Variants in NELL2 observed in about 807,000 individuals in gnomAD.
NELL2 encodes the protein neural EGFL like 2, also known as protein kinase C-binding protein NELL2.
Under a neutral mutation model 109.6 loss-of-function variants are expected in NELL2, and 41 were observed. The observed-to-expected ratio is 0.37, with a 90% CI of 0.29 to 0.49. The LOEUF (loss-of-function observed/expected upper bound fraction) is 0.49, where lower values mean the gene tolerates loss of function less well. NELL2 is among the 20% of genes least tolerant of loss of function. The pLI is 0.98. For missense variants in NELL2, 900 were observed against 1,008.3 expected, an observed-to-expected ratio of 0.89 and a Z score of 1.45; for synonymous variants, 355 against 344.7, an observed-to-expected ratio of 1.03 and a Z score of -0.33.
At chr12:44,731,492 T>A (rs1939368385) in intron 9 of NELL2, among the ~76,000 whole-genome samples, 1 of 152,000 alleles carries the variant, frequency 6.6e-6, no homozygotes, top group Non-Finnish European at 1.5e-5. Flanking sequence ...AAGTATAACA[T>A]CACATAATCA....
chr12:44,876,492 G>A, upstream of NELL2: 1 of 1,350,156 alleles, frequency 7.4e-7, no homozygotes, highest in Non-Finnish European at 9.6e-7. Context: ...AGGAGCCGTT[G>A]CAGCCTCAGC....
chr12:44,688,930 A>C (rs1948816617), intron 12 of NELL2, among the ~76,000 whole-genome samples: 1 of 152,246 alleles, frequency 6.6e-6, no homozygotes, highest in African/African-American at 2.4e-5. Context: ...GTGGCTAGTA[A>C]ATGTTTCCAT....
chr12:44,608,694 T>A (rs7966744), intron 14 of NELL2, among the ~76,000 whole-genome samples: 80,306 of 150,772 alleles, frequency 0.53, 23,952 homozygotes, highest in African/African-American at 0.83. Context: ...TAGGAATTTG[T>A]ATCAAGCAGA....
chr12:44,703,493 A>T, intron 12 of NELL2, among the ~76,000 whole-genome samples: 1 of 152,224 alleles, frequency 6.6e-6, no homozygotes, highest in East Asian at 1.9e-4. Flanking sequence ...ACAGTGGAAG[A>T]ATTGTTCTAA....
intron 15 of NELL2, among the ~76,000 whole-genome samples, chr12:44,605,508 G>A (rs1224309510): frequency 6.6e-6 from 1 of 152,134 alleles, no homozygotes; most frequent in Non-Finnish European, 1.5e-5. Context: ...TAATGAAATA[G>A]AGATAGCTAC....
chr12:44,732,701 C>A, intron 9 of NELL2, among the ~76,000 whole-genome samples: 1 of 151,806 alleles, frequency 6.6e-6, no homozygotes, highest in Non-Finnish European at 1.5e-5. Context: ...AATAGAGAAA[C>A]GGGACTACAA....
At chr12:44,819,118 A>G (rs2136692716) in intron 2 of NELL2, among the ~76,000 whole-genome samples, 1 of 152,320 alleles carries the variant, frequency 6.6e-6, no homozygotes, top group African/African-American at 2.4e-5. Flanking sequence ...TAAAAGAATG[A>G]AGAAACTAAA....
rs1396985229 is a variant in NELL2 at position 44,562,807 on chromosome 12, C to G, written c.1664-30086G>C. Among the ~76,000 whole-genome samples the G allele has an allele frequency of 2.6e-5, 4 of 152,306 alleles. No homozygotes were observed. In the East Asian group the frequency reaches 7.7e-4, roughly 29 times the overall value. On this transcript the variant is annotated intron_variant, in intron 15 of 19. Coordinates refer to ENST00000429094, the MANE Select transcript of NELL2 (RefSeq NM_001145108.2). ...AGAAATACCATTTGACCCAGCAATCCCATTACTGGGCATATACCCAAAGGA... is the reference window on the plus strand; with the variant it reads ...AGAAATACCATTTGACCCAGCAATCGCATTACTGGGCATATACCCAAAGGA...
intron 12 of NELL2, among the ~76,000 whole-genome samples, chr12:44,669,244 T>A (rs1948055177): frequency 6.6e-6 from 1 of 152,138 alleles, no homozygotes; most frequent in African/African-American, 2.4e-5. Flanking sequence ...TAGAAAAAAG[T>A]CTTTCCCTAC....
chr12:44,622,117 G>C (rs1946082264), intron 13 of NELL2, among the ~76,000 whole-genome samples: 4 of 152,062 alleles, frequency 2.6e-5, no homozygotes, highest in Admixed American at 2.6e-4. Flanking sequence ...TGATGGTTAG[G>C]CTCCAACAGA....
At chr12:44,705,459 T>C (rs1937820966) in intron 11 of NELL2, among the ~76,000 whole-genome samples, 2 of 152,202 alleles carry the variant, frequency 1.3e-5, no homozygotes, top group African/African-American at 4.8e-5. Context: ...ATCTAAACTG[T>C]CATGATTAAG....
intron 15 of NELL2, among the ~76,000 whole-genome samples, chr12:44,568,198 C>T (rs866071729): frequency 6.6e-6 from 1 of 152,014 alleles, no homozygotes; most frequent in Non-Finnish European, 1.5e-5. Context: ...TGGCAGGAAA[C>T]GTAGCTAAGT....
At chr12:44,799,339 A>G (rs1040648901) in intron 3 of NELL2, among the ~76,000 whole-genome samples, 1 of 152,092 alleles carries the variant, frequency 6.6e-6, no homozygotes, top group Non-Finnish European at 1.5e-5. Flanking sequence ...AACTCAAGGC[A>G]TCAGTTTGGA....
At chr12:44,731,495 CATAATCATTTTAAT>C (rs1468807575) in intron 9 of NELL2, among the ~76,000 whole-genome samples, 13 of 152,050 alleles carry the variant, frequency 8.5e-5, no homozygotes, top group African/African-American at 3.1e-4. Context: ...TATAACATCA[CATAATCATTTTAAT>C]ATAAGAAGAA....
At chr12:44,849,105 TA>T (rs1172784519) in intron 2 of NELL2, among the ~76,000 whole-genome samples, 1 of 152,178 alleles carries the variant, frequency 6.6e-6, no homozygotes, top group African/African-American at 2.4e-5. Flanking sequence ...TCACAAATTT[TA>T]AAAGGTTTTT....
At chr12:44,836,037 G>A (rs920959064) in intron 2 of NELL2, among the ~76,000 whole-genome samples, 3 of 152,144 alleles carry the variant, frequency 2.0e-5, no homozygotes, top group Non-Finnish European at 1.5e-5. Flanking sequence ...AGAGGGGGGT[G>A]GAAGGAGTCT....
intron 16 of NELL2, among the ~76,000 whole-genome samples, chr12:44,529,963 C>T (rs1392248445): frequency 2.6e-5 from 4 of 152,046 alleles, no homozygotes; most frequent in Admixed American, 6.6e-5. Flanking sequence ...CAAAGATGGC[C>T]GCCACTCCTG....
intron 1 of NELL2, among the ~76,000 whole-genome samples, chr12:44,904,970 T>C (rs1305656846): frequency 2.0e-5 from 3 of 152,050 alleles, no homozygotes; most frequent in African/African-American, 7.2e-5. Flanking sequence ...AGTTAAACAG[T>C]TTTAAGCAGA....
At chr12:44,605,606 T>C (rs1340088906) in intron 15 of NELL2, among the ~76,000 whole-genome samples, 4 of 152,176 alleles carry the variant, frequency 2.6e-5, no homozygotes, top group Non-Finnish European at 5.9e-5. Context: ...TACAATCTTG[T>C]GATATTTTCT....
Sources: gnomAD v4.1 joint callset for allele counts (sites outside exome capture counted in the v4.1 genomes callset) on GRCh38, gnomAD v4.1.1 for gene constraint, MANE v1.5 for transcripts, NCBI Gene and HGNC (gene_info 2026-07-23, HGNC 2026-07-21) for gene names.